The following KCND2 variants were observed in gnomAD, a reference collection of about 807,000 sequenced individuals.
The protein encoded by KCND2 is potassium voltage-gated channel subfamily D member 2, also known as A-type voltage-gated potassium channel KCND2.
In KCND2, 16 loss-of-function variants were observed where a neutral mutation model predicts 54.4. The observed-to-expected ratio is 0.29, with a 90% CI of 0.20 to 0.45. The LOEUF (loss-of-function observed/expected upper bound fraction) is 0.45. Ranked by LOEUF, KCND2 falls within the 20% of genes least tolerant of loss-of-function variation. The pLI, the probability that KCND2 is intolerant of heterozygous loss-of-function variation, is 1.00. For missense variants in KCND2, 486 were observed against 824.2 expected, an observed-to-expected ratio of 0.59 and a Z score of 5.02; for synonymous variants, 317 against 310.7, an observed-to-expected ratio of 1.02 and a Z score of -0.21.
chr7:120,540,109 C>G (rs1791962172), intron 1 of KCND2, among the ~76,000 whole-genome samples: 1 of 152,120 alleles, frequency 6.6e-6, no homozygotes, highest in Non-Finnish European at 1.5e-5. Flanking sequence ...GTTGCCTAGG[C>G]TGGTCTTCAG....
chr7:120,661,255 AT>A, intron 1 of KCND2, among the ~76,000 whole-genome samples: 1 of 152,154 alleles, frequency 6.6e-6, no homozygotes, highest in East Asian at 1.9e-4. Flanking sequence ...TTGAACTGTT[AT>A]TTTTTTAAAA....
intron 1 of KCND2, among the ~76,000 whole-genome samples, chr7:120,390,057 A>G (rs1801050033): frequency 6.6e-6 from 1 of 151,916 alleles, no homozygotes; most frequent in African/African-American, 2.4e-5. Context: ...TAATGAGGGG[A>G]AAATCAACAC....
At chr7:120,703,628 A>C (rs1445857794) in intron 1 of KCND2, among the ~76,000 whole-genome samples, 1 of 152,186 alleles carries the variant, frequency 6.6e-6, no homozygotes, top group Non-Finnish European at 1.5e-5. Flanking sequence ...TGGGGCCCTA[A>C]GTTCAAGAAG....
intron 1 of KCND2, among the ~76,000 whole-genome samples, chr7:120,593,878 C>CA (rs1435041923): frequency 6.6e-6 from 1 of 152,178 alleles, no homozygotes; most frequent in Non-Finnish European, 1.5e-5. Flanking sequence ...CGATTTGTCA[C>CA]ATATTACCAG....
chr7:120,467,081 A>T (rs1024135187), intron 1 of KCND2, among the ~76,000 whole-genome samples: 2 of 152,166 alleles, frequency 1.3e-5, no homozygotes, highest in African/African-American at 4.8e-5. Context: ...ACATCTTCAA[A>T]GTCACTTTTG....
At chr7:120,648,943 A>G (rs1377497216) in intron 1 of KCND2, among the ~76,000 whole-genome samples, 1 of 152,188 alleles carries the variant, frequency 6.6e-6, no homozygotes, top group Non-Finnish European at 1.5e-5. Flanking sequence ...ATTAATTTAA[A>G]TAAAAATTAA....
At chr7:120,373,399 T>C (rs549694110) in intron 1 of KCND2, among the ~76,000 whole-genome samples, 1 of 151,998 alleles carries the variant, frequency 6.6e-6, no homozygotes, top group East Asian at 1.9e-4. Context: ...TCATATCACA[T>C]TGGAAAGCAG....
intron 1 of KCND2, among the ~76,000 whole-genome samples, chr7:120,694,390 A>G (rs1275199872): frequency 1.3e-5 from 2 of 152,138 alleles, no homozygotes; most frequent in African/African-American, 4.8e-5. Context: ...GGGTTTAATT[A>G]AGACAGGCAC....
In KCND2 at chr7:120,749,318, G is replaced by T. The variant is rs2116200864; in HGVS notation, c.*1460G>T. The T allele has an allele frequency of 6.6e-6, 1 of 152,270 alleles. No homozygotes were observed. The highest frequency in any genetic ancestry group is 1.9e-4 in the East Asian group (1 of 5,178). The allele number at this position is 152,270 out of a possible 1,614,324, so 9.4% of individuals were successfully genotyped here. On this transcript the variant is annotated 3_prime_UTR_variant, in exon 6 of 6. Transcript: ENST00000331113. ...TTTTCTCCAATAAATCAGGAGAACA[G>T]GAGTTTGATGATGCAAAGTTGATCT... is the stretch of plus-strand genomic sequence containing the variant.
chr7:120,552,901 C>G (rs1013856981), intron 1 of KCND2, among the ~76,000 whole-genome samples: 1 of 152,092 alleles, frequency 6.6e-6, no homozygotes, highest in Admixed American at 6.5e-5. Flanking sequence ...TTTTTCCCAG[C>G]TTTATTGAGG....
At chr7:120,633,981 A>AT (rs747892476) in intron 1 of KCND2, among the ~76,000 whole-genome samples, 1 of 152,324 alleles carries the variant, frequency 6.6e-6, no homozygotes, top group East Asian at 1.9e-4. Flanking sequence ...TGGAAAACAA[A>AT]TTTTGTCAAA....
At chr7:120,453,657 T>C (rs965293262) in intron 1 of KCND2, among the ~76,000 whole-genome samples, 2 of 152,196 alleles carry the variant, frequency 1.3e-5, no homozygotes, top group African/African-American at 2.4e-5. Context: ...GCCTGCTCCT[T>C]AATGACTTTG....
At chr7:120,696,213 G>T (rs983503148) in intron 1 of KCND2, among the ~76,000 whole-genome samples, 1 of 152,094 alleles carries the variant, frequency 6.6e-6, no homozygotes, top group African/African-American at 2.4e-5. Flanking sequence ...AAACATACTT[G>T]GTCGGTAATG....
intron 1 of KCND2, among the ~76,000 whole-genome samples, chr7:120,727,407 G>T (rs1584898200): frequency 6.6e-6 from 1 of 152,314 alleles, no homozygotes; most frequent in African/African-American, 2.4e-5. Flanking sequence ...TAGGAAGATG[G>T]ATAGATGGAT....
intron 1 of KCND2, among the ~76,000 whole-genome samples, chr7:120,488,994 A>G (rs1022241536): frequency 3.3e-5 from 5 of 152,142 alleles, no homozygotes; most frequent in Non-Finnish European, 7.4e-5. Context: ...TAAGTAGACA[A>G]TTACAGATAA....
At chr7:120,539,643 T>G (rs549323777) in intron 1 of KCND2, among the ~76,000 whole-genome samples, 2 of 152,254 alleles carry the variant, frequency 1.3e-5, no homozygotes, top group South Asian at 2.1e-4. Context: ...AAAAAGAAAT[T>G]TATTGTATAT....
intron 1 of KCND2, among the ~76,000 whole-genome samples, chr7:120,414,016 T>C (rs1584768816): frequency 6.6e-6 from 1 of 151,966 alleles, no homozygotes; most frequent in African/African-American, 2.4e-5. Context: ...TTTTTCCTCT[T>C]ATGTTTAGTC....
At chr7:120,577,247 T>A (rs2116436092) in intron 1 of KCND2, among the ~76,000 whole-genome samples, 1 of 152,190 alleles carries the variant, frequency 6.6e-6, no homozygotes, top group South Asian at 2.1e-4. Flanking sequence ...AATAATAATA[T>A]TACTGGCAAT....
At chr7:120,631,504 G>A (rs1793233652) in intron 1 of KCND2, among the ~76,000 whole-genome samples, 1 of 151,944 alleles carries the variant, frequency 6.6e-6, no homozygotes, top group Non-Finnish European at 1.5e-5. Context: ...TCACTTCCTA[G>A]GAGGATAAAC....
Sources: allele counts gnomAD v4.1 joint callset (sites outside exome capture counted in the v4.1 genomes callset), GRCh38; gene constraint gnomAD v4.1.1; transcripts MANE v1.5; gene names NCBI Gene and HGNC (gene_info 2026-07-23, HGNC 2026-07-21).